The following ZNF705G variants were observed in gnomAD, a reference collection of about 807,000 sequenced individuals.
ZNF705G encodes putative zinc finger protein 705G.
A neutral mutation model predicts 19.6 loss-of-function variants in ZNF705G; 23 were observed. That is an observed-to-expected ratio of 1.17 (90% CI 0.84 to 1.66). ZNF705G has a LOEUF of 1.66. ZNF705G is among the 40% of genes most tolerant of loss of function. ZNF705G has a pLI of 0.00. For synonymous variants in ZNF705G, 146 were observed against 117.7 expected (o/e 1.24, Z -1.56); for missense variants, 457 against 354.4 (o/e 1.29, Z -2.32).
At position 7,357,784 on chromosome 8, in the gene ZNF705G, G is replaced by A; in HGVS notation, c.*192C>T. Reference sequence around the variant, plus strand: ...TTTAGATGCTACAACTACAGCTGAAGTCTCTTCCACATTCCTTACCTTTGT... The same window carrying A: ...TTTAGATGCTACAACTACAGCTGAAATCTCTTCCACATTCCTTACCTTTGT... On this transcript the variant is annotated 3_prime_UTR_variant, in exon 7 of 7. Transcript: ENST00000400156. The A allele has an allele frequency of 5.5e-6, 5 of 916,776 alleles. No individual in the cohort carries two copies. Among genetic ancestry groups the A allele is most frequent in the Non-Finnish European group, 6.3e-6 (4 of 634,630 alleles). 56.8% of individuals were successfully genotyped at this position (916,776 alleles called of 1,614,324 possible). A position where few individuals can be genotyped will look rare whatever the true frequency, so the allele number is the denominator to read the frequency against.
chr8:7,383,369 C>A (rs1382828929), intron 1 of ZNF705G, among the ~76,000 whole-genome samples: 1 of 146,572 alleles, frequency 6.8e-6, no homozygotes, highest in East Asian at 1.9e-4. Flanking sequence ...TATATTGTTT[C>A]TACATCTCTC....
At chr8:7,369,680 A>C (rs1237503397) in intron 2 of ZNF705G, among the ~76,000 whole-genome samples, 5 of 149,810 alleles carry the variant, frequency 3.3e-5, no homozygotes, top group Non-Finnish European at 7.3e-5. Context: ...GGATAGAGAA[A>C]ATACAGTATA....
intron 2 of ZNF705G, among the ~76,000 whole-genome samples, chr8:7,367,719 A>T (rs1306214086): frequency 4.7e-5 from 7 of 149,580 alleles, no homozygotes; most frequent in Non-Finnish European, 1.0e-4. Context: ...TTCCTGTTCT[A>T]AAGCCTTTTT....
At position 7,358,005 on chromosome 8, in the gene ZNF705G, C is replaced by T. The variant is rs770831767; in HGVS notation, c.874G>A (p.Ala292Thr). ...KPHACLLCGK[A>T]FSLSSNLR is the part of the protein sequence containing the mutation. ...CTAAGGTTGGAAGACAGACTGAAGG[C>T]CTTCCCACATAGAAGACAAGCATGT... The change falls in exon 7 of 7, where the codon GCC (alanine) becomes ACC (threonine). Residue 292 changes from alanine to threonine, a missense_variant. Physicochemically the swap from Ala to Thr is moderately conservative, Grantham distance 58. Coordinates refer to ENST00000400156, the MANE Select transcript of ZNF705G (RefSeq NM_001164457.3). 6.8e-6 allele frequency: 11 copies of T among 1,608,986 alleles called. No individual in the cohort carries two copies. The African/African-American group carries it at 7.0e-5, about 10-fold the overall frequency.
intron 2 of ZNF705G, among the ~76,000 whole-genome samples, chr8:7,378,082 A>G (rs1807319669): frequency 1.3e-5 from 2 of 149,778 alleles, no homozygotes; most frequent in Admixed American, 6.6e-5. Flanking sequence ...AGGGTGGGGG[A>G]ACTTTCAATC....
chr8:7,363,089 C>A, intron 2 of ZNF705G, 72 bp from the exon 3 acceptor site: 2 of 1,572,464 alleles, frequency 1.3e-6, no homozygotes, highest in Non-Finnish European at 8.6e-7. Context: ...TGATGAAAAG[C>A]CAGACTTTCA....
At chr8:7,379,628 G>C (rs1219368229) in intron 2 of ZNF705G, among the ~76,000 whole-genome samples, 1 of 147,244 alleles carries the variant, frequency 6.8e-6, no homozygotes, top group Non-Finnish European at 1.5e-5. Context: ...GCCAGAATCA[G>C]CTTAAAGCCA....
chr8:7,379,474 C>T (rs373378249), intron 2 of ZNF705G, among the ~76,000 whole-genome samples: 2 of 146,388 alleles, frequency 1.4e-5, no homozygotes, highest in South Asian at 4.2e-4. Context: ...AGGTACCAGG[C>T]ACTGTGTCCT....
intron 2 of ZNF705G, among the ~76,000 whole-genome samples, chr8:7,369,828 C>A (rs1303425843): frequency 6.7e-6 from 1 of 148,928 alleles, no homozygotes; most frequent in African/African-American, 2.6e-5. Context: ...TAAGTGAGAA[C>A]AAAGCATTGG....
chr8:7,368,019 T>C (rs977178683), intron 2 of ZNF705G, among the ~76,000 whole-genome samples: 2 of 149,676 alleles, frequency 1.3e-5, no homozygotes, highest in Non-Finnish European at 2.9e-5. Flanking sequence ...AGCAAGACTC[T>C]TTCCCCAAGG....
rs199974167 is a variant in ZNF705G at position 7,358,292 on chromosome 8, C to G, written c.587G>C (p.Gly196Ala). The G allele has an allele frequency of 6.2e-7, 1 of 1,607,764 alleles. No individual in the cohort carries two copies. The highest frequency in any genetic ancestry group is 8.5e-7 in the Non-Finnish European group (1 of 1,179,632). ...HLRRHKMTHT[G>A]ERPYACHLCR... ...TAGATGACATGCATATGGCCTCTCTCCAGTGTGAGTCATCTTGTGCCGTCT... is the reference window on the plus strand; with the variant it reads ...TAGATGACATGCATATGGCCTCTCTGCAGTGTGAGTCATCTTGTGCCGTCT... Residue 196 changes from glycine (G) to alanine (A), a missense_variant, in exon 7 of 7, where the codon GGA becomes GCA. Gly to Ala is a moderately conservative substitution (Grantham distance 60). Coordinates refer to ENST00000400156, the MANE Select transcript of ZNF705G (RefSeq NM_001164457.3).
At chr8:7,383,452 G>C (rs1807595643) in intron 1 of ZNF705G, among the ~76,000 whole-genome samples, 3 of 146,500 alleles carry the variant, frequency 2.0e-5, no homozygotes, top group South Asian at 4.2e-4. Context: ...CCCCTGAGAA[G>C]TACCTAGCAG....
chr8:7,357,629 C>G lies in ZNF705G; in HGVS notation c.*347G>C. The G allele has an allele frequency of 2.4e-6, 1 of 418,896 alleles. No individual in the cohort carries two copies. The highest frequency in any genetic ancestry group is 4.2e-6 in the Non-Finnish European group (1 of 239,162). 25.9% of individuals were successfully genotyped at this position (418,896 alleles called of 1,614,324 possible). A position where few individuals can be genotyped will look rare whatever the true frequency, so the allele number is the denominator to read the frequency against. ...ACTTATGCTCAGATCACTAACAAGTCTTTGGTACATACATGTCATACAATT... is the reference window on the plus strand; with the variant it reads ...ACTTATGCTCAGATCACTAACAAGTGTTTGGTACATACATGTCATACAATT... On this transcript the variant is annotated 3_prime_UTR_variant, in exon 7 of 7. Coordinates refer to ENST00000400156, the MANE Select transcript of ZNF705G (RefSeq NM_001164457.3).
At chr8:7,367,202 G>C (rs1412550855) in intron 2 of ZNF705G, among the ~76,000 whole-genome samples, 2 of 149,468 alleles carry the variant, frequency 1.3e-5, no homozygotes, top group African/African-American at 2.6e-5. Context: ...TGATATACAA[G>C]GCTTGTCTTG....
chr8:7,365,331 G>A (rs1806806737), intron 2 of ZNF705G, among the ~76,000 whole-genome samples: 1 of 148,158 alleles, frequency 6.7e-6, no homozygotes, highest in Non-Finnish European at 1.5e-5. Flanking sequence ...ACTTCAAGAT[G>A]AGAGCCTGCA....
chr8:7,367,783 G>A (rs994682646), intron 2 of ZNF705G, among the ~76,000 whole-genome samples: 4 of 149,592 alleles, frequency 2.7e-5, no homozygotes, highest in Admixed American at 6.6e-5. Flanking sequence ...TTTTTCCACT[G>A]TATGCCCTTC....
chr8:7,363,530 C>G (rs1326177215), intron 2 of ZNF705G, among the ~76,000 whole-genome samples: 1 of 149,772 alleles, frequency 6.7e-6, no homozygotes, highest in Admixed American at 6.6e-5. Flanking sequence ...AAGTAAGAAT[C>G]TGTTTTAGGG....
rs1265911315 is a variant in ZNF705G, at chr8:7,357,051, C to CT, written c.*924dup. 1 of 149,862 alleles carries CT rather than the reference C, an allele frequency of 6.7e-6. No homozygotes were observed. The highest frequency in any genetic ancestry group is 1.5e-5 in the Non-Finnish European group (1 of 68,028). 9.3% of individuals were successfully genotyped at this position (149,862 alleles called of 1,614,324 possible). Reference sequence around the variant, plus strand: ...TTCTGATGAGAAATCTATCAGGTTTCTCCACAGTGATTTTCAAGTTTGATA... The same window carrying CT: ...TTCTGATGAGAAATCTATCAGGTTTCTTCCACAGTGATTTTCAAGTTTGATA... On this transcript the variant is annotated 3_prime_UTR_variant, in exon 7 of 7. Transcript: ENST00000400156.
chr8:7,384,247 G>A (rs1414256409), intron 1 of ZNF705G, among the ~76,000 whole-genome samples: 2 of 142,056 alleles, frequency 1.4e-5, no homozygotes, highest in Non-Finnish European at 3.0e-5. Flanking sequence ...AGTGTCTCCT[G>A]TTTATTTGGT....
Sources: allele counts gnomAD v4.1 joint callset (sites outside exome capture counted in the v4.1 genomes callset), GRCh38; gene constraint gnomAD v4.1.1; transcripts MANE v1.5; gene names NCBI Gene and HGNC (gene_info 2026-07-23, HGNC 2026-07-21).